Variants in COPG2 observed in about 807,000 individuals in gnomAD.
The protein encoded by COPG2 is coatomer subunit gamma-2.
Under a neutral mutation model 46.3 loss-of-function variants are expected in COPG2, and 37 were observed. The ratio of observed to expected loss-of-function variants is 0.80; its 90% confidence interval spans 0.61 to 1.05. The LOEUF (loss-of-function observed/expected upper bound fraction) is 1.05. Among genes scored for constraint, COPG2 ranks in the 50% least tolerant of loss-of-function variants. The pLI is 0.00. For synonymous variants in COPG2, 159 were observed against 129.7 expected, an observed-to-expected ratio of 1.23 and a Z score of -1.53; for missense variants, 427 against 387.8, an observed-to-expected ratio of 1.10 and a Z score of -0.85.
chr7:130,627,968 G>T (rs190940808), intron 5 of COPG2, among the ~76,000 whole-genome samples: 22 of 152,240 alleles, frequency 1.4e-4, no homozygotes, highest in Admixed American at 1.3e-3. Context: ...CATTTAGGGA[G>T]ATTTTGAGTC....
chr7:130,632,922 G>A (rs1795258830), intron 5 of COPG2, among the ~76,000 whole-genome samples: 3 of 152,026 alleles, frequency 2.0e-5, no homozygotes, highest in Non-Finnish European at 4.4e-5. Context: ...AGGCCCCGGT[G>A]TGTGATGTTC....
Position 130,610,989 on chromosome 7 carries a change from C to T in COPG2, c.701G>A (p.Arg234Gln), listed in dbSNP as rs782748032. ...TTCTTTTAGTAAGCGACTGGCAATT[C>T]GGATCAGCATGCAGTAAGCAAACTG... ...KSQFAYCMLIRIASRLLKETE... is the reference protein window; with the variant it reads ...KSQFAYCMLIQIASRLLKETE... Residue 234 changes from arginine (R) to glutamine (Q), a missense_variant, in exon 9 of 24, where the codon CGA (arginine) becomes CAA (glutamine). Arg to Gln is a conservative substitution (Grantham distance 43). Transcript: ENST00000425248. The T allele has an allele frequency of 1.5e-5, 25 of 1,613,738 alleles. No homozygotes were observed. The highest frequency in any genetic ancestry group is 1.6e-5 in the Non-Finnish European group (19 of 1,179,852).
chr7:130,512,687 G>C (rs1799614691), intron 20 of COPG2, among the ~76,000 whole-genome samples: 3 of 152,076 alleles, frequency 2.0e-5, no homozygotes, highest in Admixed American at 2.0e-4. Flanking sequence ...GGAGGTTTCA[G>C]TGAGCCAAAA....
intron 10 of COPG2, among the ~76,000 whole-genome samples, 169 bp downstream of exon 10, chr7:130,564,087 AAAGT>A (rs1181125634): frequency 6.6e-6 from 1 of 152,208 alleles, no homozygotes; most frequent in East Asian, 1.9e-4. Flanking sequence ...AAAAAGTAAT[AAAGT>A]AAGGAACAAC....
chr7:130,587,512 A>G (rs923444632), intron 9 of COPG2, among the ~76,000 whole-genome samples: 4 of 152,060 alleles, frequency 2.6e-5, no homozygotes, highest in Admixed American at 2.6e-4. Context: ...TTAAATTTTT[A>G]AATTTAAATT....
At chr7:130,617,326 A>G (rs1477275896) in intron 5 of COPG2, among the ~76,000 whole-genome samples, 1 of 152,226 alleles carries the variant, frequency 6.6e-6, no homozygotes, top group East Asian at 1.9e-4. Flanking sequence ...GGAGGAAGAA[A>G]GATAATCACG....
At position 130,539,808 on chromosome 7, in the gene COPG2, C is replaced by G. The variant is rs981866070; in HGVS notation, c.2149+7866G>C. Among the ~76,000 whole-genome samples the G allele has an allele frequency of 2.6e-5, 4 of 152,010 alleles. No homozygotes were observed. In the East Asian group the frequency reaches 7.7e-4, roughly 29 times the overall value. On this transcript the variant is annotated intron_variant, in intron 20 of 23. Transcript: ENST00000425248. The stretch of plus-strand genomic sequence containing the variant: ...GGGAGCTGGGCAGGACAGCCACAGG[C>G]AGGACAGCCATAGTTGGAGCGAGGT...
rs1229878158 is a variant in COPG2, at chr7:130,513,389, G to GTA, written c.2150-4732_2150-4731dup. On this transcript the variant is annotated intron_variant, in intron 20 of 23. Transcript: ENST00000425248. ...TATATATATATATGTGTGTGTGTGT[G>GTA]TATATATATATATACACATATACAT... Among the ~76,000 whole-genome samples the GTA allele has an allele frequency of 7.2e-4, 76 of 105,822 alleles. 5 individuals are homozygous for GTA. Among genetic ancestry groups the GTA allele is most frequent in the African/African-American group, 1.5e-3 (44 of 28,874 alleles). The allele number at this position is 105,822 out of a possible 152,430, so 69.4% of individuals were successfully genotyped here.
At chr7:130,534,074 C>T (rs957963297) in intron 20 of COPG2, among the ~76,000 whole-genome samples, 3 of 151,670 alleles carry the variant, frequency 2.0e-5, no homozygotes, top group South Asian at 2.1e-4. Context: ...AATGGGGGTG[C>T]GCCAGACCTC....
intron 20 of COPG2, among the ~76,000 whole-genome samples, chr7:130,522,837 C>T (rs890023970): frequency 6.6e-6 from 1 of 151,850 alleles, no homozygotes; most frequent in East Asian, 1.9e-4. Flanking sequence ...AAACAATGAT[C>T]TTCAACAGTA....
intron 7 of COPG2, among the ~76,000 whole-genome samples, chr7:130,612,505 G>A (rs1794870819): frequency 6.6e-6 from 1 of 152,198 alleles, no homozygotes; most frequent in South Asian, 2.1e-4. Flanking sequence ...GGATAGGGAT[G>A]GACAGTCAAC....
intron 20 of COPG2, chr7:130,509,982 G>C: frequency 2.1e-6 from 1 of 476,940 alleles, no homozygotes; most frequent in Non-Finnish European, 4.2e-6. Flanking sequence ...CCACCGGGCA[G>C]CTGGAAACAG....
chr7:130,563,510 T>C (rs1050373015), intron 10 of COPG2, among the ~76,000 whole-genome samples, 174 bp from the exon 11 acceptor site: 13 of 151,914 alleles, frequency 8.6e-5, no homozygotes, highest in African/African-American at 2.4e-4. Context: ...TCATATACCA[T>C]ATAGCTGAAA....
intron 20 of COPG2, chr7:130,509,038 A>C (rs1430773797): frequency 6.3e-6 from 3 of 479,764 alleles, no homozygotes; most frequent in African/African-American, 2.0e-5. Flanking sequence ...CAAAAAAAAA[A>C]ACAAAAAAAA....
At chr7:130,594,779 G>A (rs1794495455) in intron 9 of COPG2, among the ~76,000 whole-genome samples, 1 of 152,156 alleles carries the variant, frequency 6.6e-6, no homozygotes, top group Non-Finnish European at 1.5e-5. Flanking sequence ...CTGATCACTA[G>A]GGTAATGCAA....
chr7:130,631,937 C>T (rs556270144), intron 5 of COPG2, among the ~76,000 whole-genome samples: 3 of 152,258 alleles, frequency 2.0e-5, no homozygotes, highest in South Asian at 2.1e-4. Flanking sequence ...ATTCTTTCAG[C>T]GGTTTTTAAG....
intron 1 of COPG2, 149 bp downstream of exon 1, chr7:130,668,483 C>T: frequency 1.9e-6 from 1 of 537,172 alleles, no homozygotes; most frequent in Non-Finnish European, 2.8e-6. Flanking sequence ...CGGGCAGCCG[C>T]GAGGGGAGGG....
chr7:130,594,618 A>G (rs1210215447), intron 9 of COPG2, among the ~76,000 whole-genome samples: 1 of 152,238 alleles, frequency 6.6e-6, no homozygotes, highest in African/African-American at 2.4e-5. Flanking sequence ...GTATCTGATA[A>G]GGGTTTAGTA....
chr7:130,558,462 C>T (rs1793666068), intron 12 of COPG2, among the ~76,000 whole-genome samples: 1 of 152,210 alleles, frequency 6.6e-6, no homozygotes, highest in South Asian at 2.1e-4. Flanking sequence ...GCCTGCAGAA[C>T]TGTGAGCCAA....
Sources: allele counts gnomAD v4.1 joint callset (sites outside exome capture counted in the v4.1 genomes callset), GRCh38; gene constraint gnomAD v4.1.1; transcripts MANE v1.5; gene names NCBI Gene and HGNC (gene_info 2026-07-23, HGNC 2026-07-21).